ULK4: variants seen among roughly 807,000 people sequenced by gnomAD.
ULK4 encodes unc-51 like kinase 4.
ULK4 carries 133 observed loss-of-function variants against 160.6 expected under a neutral mutation model. The observed-to-expected ratio is 0.83, with a 90% CI of 0.72 to 0.96. The LOEUF is 0.96. ULK4 is among the 40% of genes least tolerant of loss of function. The pLI is 0.00. For missense variants in ULK4, 1,580 were observed against 1,499.5 expected, an observed-to-expected ratio of 1.05 and a Z score of -0.89; for synonymous variants, 534 against 539.8, an observed-to-expected ratio of 0.99 and a Z score of 0.15.
rs746083555 is a variant in ULK4 at position 41,619,923 on chromosome 3, C to T, written c.3072-4206G>A. Among the ~76,000 whole-genome samples, 16 of 151,982 alleles carry T rather than the reference C, an allele frequency of 1.1e-4. 1 individual carries two copies. The highest frequency in any genetic ancestry group is 1.0e-4 in the Non-Finnish European group (7 of 67,946). The stretch of plus-strand genomic sequence containing the variant: ...CAAATAGACACAACAAAAAATGATA[C>T]AAGGGACATCACCACTGATCTCACA... On this transcript the variant is annotated intron_variant, in intron 30 of 36. Coordinates refer to ENST00000301831, the MANE Select transcript of ULK4 (RefSeq NM_017886.4).
At chr3:41,887,250 G>A (rs1386853921) in intron 16 of ULK4, among the ~76,000 whole-genome samples, 1 of 152,200 alleles carries the variant, frequency 6.6e-6, no homozygotes, top group Non-Finnish European at 1.5e-5. Context: ...ATAATAATAT[G>A]TACCTCATGT....
intron 35 of ULK4, among the ~76,000 whole-genome samples, chr3:41,358,502 C>T (rs568858819): frequency 6.6e-6 from 1 of 152,220 alleles, no homozygotes; most frequent in African/African-American, 2.4e-5. Flanking sequence ...TCAGGGAAGG[C>T]CTCTCTGACA....
chr3:41,954,450 T>C (rs1292635167), intron 2 of ULK4, among the ~76,000 whole-genome samples, 172 bp downstream of exon 2: 1 of 151,974 alleles, frequency 6.6e-6, no homozygotes, highest in Non-Finnish European at 1.5e-5. Context: ...CTTGGATATG[T>C]TTATTACTCA....
intron 30 of ULK4, among the ~76,000 whole-genome samples, chr3:41,632,113 T>G (rs1313295737): frequency 6.6e-6 from 1 of 152,136 alleles, no homozygotes; most frequent in African/African-American, 2.4e-5. Context: ...TGAAACCACA[T>G]GTAAGAAGCA....
chr3:41,511,933 G>T (rs576201665), intron 32 of ULK4, among the ~76,000 whole-genome samples: 2 of 152,040 alleles, frequency 1.3e-5, no homozygotes, highest in African/African-American at 4.8e-5. Flanking sequence ...AATCCACCAC[G>T]ATCAAGTGGG....
At chr3:41,836,771 T>G (rs962221521) in intron 17 of ULK4, among the ~76,000 whole-genome samples, 1 of 152,216 alleles carries the variant, frequency 6.6e-6, no homozygotes, top group African/African-American at 2.4e-5. Context: ...ACGCTGAAAC[T>G]CGACAGCATG....
At chr3:41,579,493 T>A (rs1410603646) in intron 31 of ULK4, among the ~76,000 whole-genome samples, 2 of 139,688 alleles carry the variant, frequency 1.4e-5, no homozygotes, top group African/African-American at 5.4e-5. Flanking sequence ...ATATTTTTTT[T>A]TTTTTTTTTT....
At chr3:41,898,918 T>C (rs1404280091) in intron 13 of ULK4, among the ~76,000 whole-genome samples, 1 of 152,204 alleles carries the variant, frequency 6.6e-6, no homozygotes, top group African/African-American at 2.4e-5. Flanking sequence ...GAGACAAACA[T>C]TCGATAAACA....
chr3:41,335,602 G>C (rs922195603), intron 35 of ULK4, among the ~76,000 whole-genome samples: 1 of 152,132 alleles, frequency 6.6e-6, no homozygotes, highest in African/African-American at 2.4e-5. Flanking sequence ...GGCCTGTGAT[G>C]TGTGTAAACA....
At chr3:41,799,704 T>C (rs1052628648) in intron 20 of ULK4, among the ~76,000 whole-genome samples, 3 of 151,760 alleles carry the variant, frequency 2.0e-5, no homozygotes, top group African/African-American at 4.8e-5. Context: ...TCTACAAAAA[T>C]ACAAAAAAAT....
intron 17 of ULK4, among the ~76,000 whole-genome samples, chr3:41,880,744 T>C (rs1697486969): frequency 6.6e-6 from 1 of 152,078 alleles, no homozygotes; most frequent in African/African-American, 2.4e-5. Flanking sequence ...ACCAACATGA[T>C]GAAACCGTGT....
chr3:41,484,602 G>A (rs533263640), intron 32 of ULK4, among the ~76,000 whole-genome samples: 26 of 152,066 alleles, frequency 1.7e-4, no homozygotes, highest in Non-Finnish European at 2.4e-4. Flanking sequence ...ACAGGCGCCC[G>A]CCACCACACC....
intron 17 of ULK4, among the ~76,000 whole-genome samples, chr3:41,844,465 G>A (rs1292007650): frequency 2.0e-5 from 3 of 152,266 alleles, no homozygotes; most frequent in Admixed American, 2.0e-4. Flanking sequence ...CTGAGTGCAG[G>A]GCGCGCCAAG....
At chr3:41,500,871 T>C (rs1382861322) in intron 32 of ULK4, among the ~76,000 whole-genome samples, 1 of 152,080 alleles carries the variant, frequency 6.6e-6, no homozygotes, top group East Asian at 1.9e-4. Context: ...GCCTTCTGGG[T>C]TTTCGTGGAT....
chr3:41,345,747 A>T (rs2080785226), intron 35 of ULK4, among the ~76,000 whole-genome samples: 1 of 152,178 alleles, frequency 6.6e-6, no homozygotes, highest in South Asian at 2.1e-4. Context: ...CTATGTAAAA[A>T]ACCTGCACAT....
intron 21 of ULK4, among the ~76,000 whole-genome samples, chr3:41,757,138 T>C (rs2038830524): frequency 6.6e-6 from 1 of 152,072 alleles, no homozygotes; most frequent in Admixed American, 6.6e-5. Context: ...GAAAAGAACT[T>C]AAGAACTAAG....
chr3:41,845,511 G>A (rs906185444), intron 17 of ULK4, among the ~76,000 whole-genome samples: 3 of 152,164 alleles, frequency 2.0e-5, no homozygotes, highest in African/African-American at 7.2e-5. Context: ...GGCTTCGGGG[G>A]TGGAGGGCAG....
intron 35 of ULK4, among the ~76,000 whole-genome samples, chr3:41,271,370 T>C (rs1486791697): frequency 6.6e-6 from 1 of 151,948 alleles, no homozygotes; most frequent in Non-Finnish European, 1.5e-5. Context: ...GATTTATCCA[T>C]ATTATAGCAT....
intron 21 of ULK4, among the ~76,000 whole-genome samples, chr3:41,770,442 T>C (rs990223246): frequency 2.0e-5 from 3 of 152,054 alleles, no homozygotes; most frequent in Non-Finnish European, 4.4e-5. Context: ...ATAATCTTCC[T>C]AATGCTACAG....
Sources: allele counts gnomAD v4.1 joint callset (sites outside exome capture counted in the v4.1 genomes callset), GRCh38; gene constraint gnomAD v4.1.1; transcripts MANE v1.5; gene names NCBI Gene and HGNC (gene_info 2026-07-23, HGNC 2026-07-21).